The following AFDN variants were observed in gnomAD, a reference collection of about 807,000 sequenced individuals.
AFDN encodes afadin.
AFDN carries 68 observed loss-of-function variants against 216.6 expected under a neutral mutation model. The observed-to-expected ratio is 0.31, with a 90% CI of 0.26 to 0.38. The LOEUF is 0.38. Among genes scored for constraint, AFDN ranks in the 10% least tolerant of loss-of-function variants. The pLI, the probability that AFDN is intolerant of heterozygous loss-of-function variation, is 1.00. For synonymous variants in AFDN, 868 were observed against 853.7 expected, an observed-to-expected ratio of 1.02 and a Z score of -0.29; for missense variants, 2,136 against 2,342.0, an observed-to-expected ratio of 0.91 and a Z score of 1.82.
At chr6:167,865,807 T>C (rs1784113038) in intron 2 of AFDN, among the ~76,000 whole-genome samples, 1 of 152,052 alleles carries the variant, frequency 6.6e-6, no homozygotes, top group South Asian at 2.1e-4. Context: ...CTTTTTTTTT[T>C]TTTTACTCAA....
At chr6:167,957,413 C>T (rs1174896663) in intron 30 of AFDN, among the ~76,000 whole-genome samples, 1 of 152,150 alleles carries the variant, frequency 6.6e-6, no homozygotes, top group East Asian at 1.9e-4. Context: ...GATCGGATTC[C>T]AGGCCAAGGT....
In AFDN at chr6:167,962,930, T is replaced by C. The variant is rs758001240; in HGVS notation, c.4968+363T>C. 8.8e-7 allele frequency: 1 copy of C among 1,138,008 alleles called. No homozygotes were observed. The highest frequency in any genetic ancestry group is 1.1e-6 in the Non-Finnish European group (1 of 921,444). 70.5% of individuals were successfully genotyped at this position (1,138,008 alleles called of 1,614,324 possible). On this transcript the variant is annotated intron_variant, in intron 31 of 33. Transcript: ENST00000683244. This position sits in a 1 kb window ranked among gnomAD's most constrained non-coding sequence, Gnocchi z 5.2. Reference sequence around the variant, plus strand: ...GACATTGGTTCAGTGATTGCTTAAATGGCATGTGGACCGTGGGAAGCAGTA... The same window carrying C: ...GACATTGGTTCAGTGATTGCTTAAACGGCATGTGGACCGTGGGAAGCAGTA...
chr6:167,891,177 A>G, intron 8 of AFDN, 148 bp downstream of exon 8: 1 of 546,610 alleles, frequency 1.8e-6, no homozygotes, highest in Middle Eastern at 4.0e-4. Flanking sequence ...CTCTCATAAC[A>G]TTTATTTCTC....
chr6:167,844,860 T>TG (rs1781472620), intron 1 of AFDN, among the ~76,000 whole-genome samples: 1 of 145,210 alleles, frequency 6.9e-6, no homozygotes, highest in African/African-American at 2.6e-5. Flanking sequence ...TTTTTTTTTT[T>TG]TTTTTTTTTT....
intron 32 of AFDN, among the ~76,000 whole-genome samples, chr6:167,966,574 T>C (rs1248371613): frequency 3.9e-5 from 6 of 152,242 alleles, no homozygotes; most frequent in African/African-American, 1.4e-4. Context: ...TGAAGTACTG[T>C]TGGTCTTGGC....
At chr6:167,853,290 T>A (rs1299530019) in intron 1 of AFDN, among the ~76,000 whole-genome samples, 1 of 152,130 alleles carries the variant, frequency 6.6e-6, no homozygotes, top group African/African-American at 2.4e-5. Flanking sequence ...GGCTTTATTG[T>A]ATCATATAGT....
intron 31 of AFDN, chr6:167,964,850 C>T: frequency 9.4e-7 from 1 of 1,065,586 alleles, no homozygotes; most frequent in Non-Finnish European, 1.1e-6. Flanking sequence ...TCTTTCATCC[C>T]CCTTCTTATT....
intron 23 of AFDN, among the ~76,000 whole-genome samples, chr6:167,936,038 AC>A (rs1446044603): frequency 6.6e-6 from 1 of 152,204 alleles, no homozygotes; most frequent in Non-Finnish European, 1.5e-5. Flanking sequence ...TAATTTTAAT[AC>A]CATATTTTAT....
chr6:167,916,011 T>G (rs1011006058), intron 19 of AFDN, among the ~76,000 whole-genome samples: 1 of 152,206 alleles, frequency 6.6e-6, no homozygotes, highest in East Asian at 1.9e-4. Context: ...TGTCAAAAAC[T>G]GAGTGGCTTA....
In AFDN at chr6:167,914,185, A is replaced by C. The variant is rs778882245; in HGVS notation, c.2076A>C (p.Ala692=). The change falls in exon 17 of 34, where the codon GCA becomes GCC. Residue 692 remains alanine (A), a synonymous_variant. Transcript: ENST00000683244. ...DQVDQKQKNI[A]GALAFWMANA... ...GTCTACAGAAACAGAAGAATATTGCAGGGGCACTTGCCTTCTGGATGGCAA... is the reference window on the plus strand; with the variant it reads ...GTCTACAGAAACAGAAGAATATTGCCGGGGCACTTGCCTTCTGGATGGCAA... 7.4e-6 allele frequency: 12 copies of C among 1,614,000 alleles called. No individual in the cohort carries two copies. In the African/African-American group the frequency reaches 1.2e-4, roughly 16 times the overall value.
chr6:167,930,548 A>G (rs1029142095), intron 23 of AFDN, among the ~76,000 whole-genome samples: 37 of 152,216 alleles, frequency 2.4e-4, no homozygotes, highest in African/African-American at 8.4e-4. Flanking sequence ...GCACAGGCTC[A>G]GCCCAGTTTG....
intron 8 of AFDN, among the ~76,000 whole-genome samples, chr6:167,892,434 A>G (rs1787730088): frequency 6.6e-6 from 1 of 152,270 alleles, no homozygotes; most frequent in African/African-American, 2.4e-5. Context: ...TTTTTTGGGT[A>G]TTGGGTCTGC....
chr6:167,888,867 A>G (rs1181349626), intron 6 of AFDN, among the ~76,000 whole-genome samples: 1 of 152,218 alleles, frequency 6.6e-6, no homozygotes, highest in Non-Finnish European at 1.5e-5. Context: ...GTTAAGGACT[A>G]GAGAGATTGA....
rs1029988836 is a variant in AFDN at position 167,868,921 on chromosome 6, C to G, written c.302-1465C>G. Among the ~76,000 whole-genome samples, 3 of 151,830 alleles carry G rather than the reference C, an allele frequency of 2.0e-5. No homozygotes were observed. The East Asian group carries it at 5.8e-4, about 29-fold the overall frequency. ...GGGACTGCAAGCACACACCACCACA[C>G]CCGGCTAATTTCTTCTTCTTCTTTT... On this transcript the variant is annotated intron_variant, in intron 2 of 33. Transcript: ENST00000683244.
At chr6:167,928,266 A>G (rs1767252249) in intron 23 of AFDN, among the ~76,000 whole-genome samples, 1 of 152,216 alleles carries the variant, frequency 6.6e-6, no homozygotes, top group Non-Finnish European at 1.5e-5. Flanking sequence ...TTCACTTGGC[A>G]CTTTCTCACC....
chr6:167,826,659 C>G (rs1460672252), upstream of AFDN: 1 of 479,436 alleles, frequency 2.1e-6, no homozygotes, highest in Non-Finnish European at 4.2e-6. Context: ...CCGAACCTAG[C>G]ACCGCTGGTC....
chr6:167,835,767 T>C (rs1213831028), intron 1 of AFDN, among the ~76,000 whole-genome samples: 3 of 152,186 alleles, frequency 2.0e-5, no homozygotes, highest in African/African-American at 7.2e-5. Context: ...AAAATATTAC[T>C]AAGAAAATAG....
intron 29 of AFDN, among the ~76,000 whole-genome samples, chr6:167,949,518 G>T (rs1207759412): frequency 2.6e-5 from 4 of 152,186 alleles, no homozygotes; most frequent in Admixed American, 6.5e-5. Flanking sequence ...CTTTTGTCTG[G>T]TGTGCTGGTC....
chr6:167,832,156 A>G (rs3800514), intron 1 of AFDN, among the ~76,000 whole-genome samples: 45,910 of 152,090 alleles, frequency 0.3, 7,943 homozygotes, highest in East Asian at 0.59. Flanking sequence ...TATCTGTCTG[A>G]CCTACATTTA....
Sources: gnomAD v4.1 joint callset for allele counts (sites outside exome capture counted in the v4.1 genomes callset) on GRCh38, gnomAD v4.1.1 for gene constraint, Gnocchi (gnomAD v3.1) non-coding constraint, MANE v1.5 for transcripts, NCBI Gene and HGNC (gene_info 2026-07-23, HGNC 2026-07-21) for gene names.